Variants in CAPZA1 observed in about 807,000 individuals in gnomAD.
CAPZA1 encodes the protein capping actin protein of muscle Z-line subunit alpha 1, also known as F-actin-capping protein subunit alpha-1.
CAPZA1 carries 10 observed loss-of-function variants against 40.8 expected under a neutral mutation model. The ratio of observed to expected loss-of-function variants is 0.25; its 90% CI spans 0.15 to 0.42. The LOEUF (loss-of-function observed/expected upper bound fraction) is 0.42, where lower values mean the gene tolerates loss of function less well. Ranked by LOEUF, CAPZA1 falls within the 10% of genes least tolerant of loss-of-function variation. CAPZA1 has a pLI of 1.00. For missense variants in CAPZA1, 277 were observed against 353.8 expected (o/e 0.78, Z 1.74); for synonymous variants, 98 against 115.0 (o/e 0.85, Z 0.95).
intron 1 of CAPZA1, among the ~76,000 whole-genome samples, chr1:112,625,710 C>T (rs960086337): frequency 2.0e-5 from 3 of 152,182 alleles, no homozygotes; most frequent in South Asian, 2.1e-4. Flanking sequence ...CTTTCAGCTT[C>T]CCACCCCCAT....
chr1:112,660,251 G>A (rs1190651288), intron 7 of CAPZA1, among the ~76,000 whole-genome samples: 1 of 151,704 alleles, frequency 6.6e-6, no homozygotes, highest in Non-Finnish European at 1.5e-5. Context: ...CCAAGCAGAA[G>A]TAGATTGATT....
chr1:112,624,157 C>T (rs1453127990), intron 1 of CAPZA1, among the ~76,000 whole-genome samples: 5 of 152,076 alleles, frequency 3.3e-5, no homozygotes, highest in African/African-American at 1.2e-4. Context: ...TTTATTACGA[C>T]CAGGCTTAAT....
intron 7 of CAPZA1, among the ~76,000 whole-genome samples, chr1:112,664,804 G>A (rs1355859768): frequency 5.9e-5 from 9 of 151,998 alleles, no homozygotes; most frequent in African/African-American, 1.5e-4. Context: ...GCGTGGTTGC[G>A]GGTGCCTGTA....
chr1:112,664,230 C>CA (rs570249032), intron 7 of CAPZA1, among the ~76,000 whole-genome samples: 2,571 of 110,354 alleles, frequency 0.023, 28 homozygotes, highest in East Asian at 0.041. Context: ...GACACTGTCT[C>CA]AAAAAAAAAA....
intron 1 of CAPZA1, chr1:112,620,346 C>T (rs906638743): frequency 6.5e-6 from 1 of 153,842 alleles, no homozygotes; most frequent in Non-Finnish European, 1.5e-5. Context: ...TTCCCTTTTG[C>T]TCCTCCTTCC....
chr1:112,671,146 A>T lies in CAPZA1; in HGVS notation c.*1014A>T, dbSNP rs1251226041. On this transcript the variant is annotated 3_prime_UTR_variant, in exon 10 of 10. Coordinates refer to ENST00000263168, the MANE Select transcript of CAPZA1 (RefSeq NM_006135.3). ...ATACTAGTGATTTCTTCTAAATAGG[A>T]TGTAAAACTTCTTTCAAATTACTCT... is the stretch of plus-strand genomic sequence containing the variant. 1 of 152,642 alleles carries T rather than the reference A, an allele frequency of 6.6e-6. No homozygotes were observed. Among genetic ancestry groups the T allele is most frequent in the Non-Finnish European group, 1.5e-5 (1 of 68,036 alleles). 9.5% of individuals were successfully genotyped at this position (152,642 alleles called of 1,614,324 possible).
At chr1:112,634,088 G>T (rs367802709) in intron 1 of CAPZA1, among the ~76,000 whole-genome samples, 9 of 152,142 alleles carry the variant, frequency 5.9e-5, no homozygotes, top group African/African-American at 2.2e-4. Flanking sequence ...TTTTTAGTTT[G>T]ATGCAACATC....
intron 3 of CAPZA1, among the ~76,000 whole-genome samples, chr1:112,651,027 G>T (rs1381010366): frequency 6.6e-6 from 1 of 152,166 alleles, no homozygotes; most frequent in Non-Finnish European, 1.5e-5. Context: ...TTTTATTTCT[G>T]TATTAAAGCA....
intron 1 of CAPZA1, among the ~76,000 whole-genome samples, chr1:112,643,432 A>G (rs1465476244): frequency 6.6e-6 from 1 of 152,204 alleles, no homozygotes; most frequent in African/African-American, 2.4e-5. Flanking sequence ...GTACCTAAGA[A>G]TATTCTAACA....
At chr1:112,643,320 T>C (rs982269637) in intron 1 of CAPZA1, among the ~76,000 whole-genome samples, 13 of 152,202 alleles carry the variant, frequency 8.5e-5, no homozygotes, top group African/African-American at 3.1e-4. Flanking sequence ...TCAGTTAATA[T>C]AAGGAGCCTT....
chr1:112,654,968 CT>C (rs1671468964), intron 5 of CAPZA1, among the ~76,000 whole-genome samples: 1 of 151,410 alleles, frequency 6.6e-6, no homozygotes, highest in Admixed American at 6.6e-5. Context: ...TTCTTTTTTT[CT>C]TTCTTTTTTT....
chr1:112,662,486 C>T (rs892425151), intron 7 of CAPZA1, among the ~76,000 whole-genome samples: 1 of 148,030 alleles, frequency 6.8e-6, no homozygotes, highest in Non-Finnish European at 1.5e-5. Flanking sequence ...GCAAGCTCCA[C>T]CTCCCGGGTT....
intron 1 of CAPZA1, among the ~76,000 whole-genome samples, chr1:112,645,256 A>G (rs1384474671): frequency 6.6e-6 from 1 of 152,214 alleles, no homozygotes; most frequent in Non-Finnish European, 1.5e-5. Context: ...AACCAATACC[A>G]TGAAGGGGAA....
At position 112,669,579 on chromosome 1, in the gene CAPZA1, A is replaced by G; in HGVS notation, c.694A>G (p.Ile232Val). Residue 232 changes from isoleucine (I) to valine (V), a missense_variant, in exon 9 of 10, where the codon ATA becomes GTA. Coordinates refer to ENST00000263168, the MANE Select transcript of CAPZA1 (RefSeq NM_006135.3). The part of the protein sequence containing the change: ...AQTAKEFIKI[I>V]ENAENEYQTA... The stretch of plus-strand genomic sequence containing the variant: ...AACTGCCAAGGAGTTTATTAAAATC[A>G]TAGAGAATGCAGAAAATGAGTATCA... 6.2e-7 allele frequency: 1 copy of G among 1,609,856 alleles called. No homozygotes were observed.
chr1:112,658,913 T>C (rs1671547378), intron 5 of CAPZA1, 109 bp from the exon 6 acceptor site: 1 of 788,380 alleles, frequency 1.3e-6, no homozygotes, highest in East Asian at 2.5e-5. Context: ...GCTCATTTTA[T>C]GTGATTCTTT....
At chr1:112,635,642 A>G (rs374013095) in intron 1 of CAPZA1, among the ~76,000 whole-genome samples, 1 of 149,058 alleles carries the variant, frequency 6.7e-6, no homozygotes, top group African/African-American at 2.5e-5. Flanking sequence ...TCCCCCTGTT[A>G]GCCAGCTGGT....
At chr1:112,635,219 G>A (rs912899896) in intron 1 of CAPZA1, among the ~76,000 whole-genome samples, 10 of 152,164 alleles carry the variant, frequency 6.6e-5, no homozygotes, top group Admixed American at 2.6e-4. Context: ...AAAATGGGAA[G>A]GATTTAGACA....
chr1:112,640,208 C>T (rs1466944332), intron 1 of CAPZA1, among the ~76,000 whole-genome samples: 2 of 119,446 alleles, frequency 1.7e-5, no homozygotes, highest in East Asian at 5.5e-4. Context: ...GCCCCCCGCC[C>T]GGCCAGCCGC....
chr1:112,635,162 A>G (rs1670990674), intron 1 of CAPZA1, among the ~76,000 whole-genome samples: 1 of 152,168 alleles, frequency 6.6e-6, no homozygotes, highest in Non-Finnish European at 1.5e-5. Flanking sequence ...GCATTCAAAT[A>G]CACTTTGAAC....
Sources: gnomAD v4.1 joint callset for allele counts (sites outside exome capture counted in the v4.1 genomes callset) on GRCh38, gnomAD v4.1.1 for gene constraint, MANE v1.5 for transcripts, NCBI Gene and HGNC (gene_info 2026-07-23, HGNC 2026-07-21) for gene names.